CHRM3: variants seen among roughly 807,000 people sequenced by gnomAD.
The protein encoded by CHRM3 is cholinergic receptor muscarinic 3.
In CHRM3, 11 loss-of-function variants were observed where a neutral mutation model predicts 41.8. That is an observed-to-expected ratio of 0.26 (90% CI 0.17 to 0.44). The LOEUF (loss-of-function observed/expected upper bound fraction) is 0.44, where lower values mean the gene tolerates loss of function less well. Ranked by LOEUF, CHRM3 falls within the 20% of genes least tolerant of loss-of-function variation. The probability of loss-of-function intolerance (pLI) is 1.00; values close to 1 mark genes in which losing one functional copy is unlikely to be tolerated. For synonymous variants in CHRM3, 297 were observed against 301.4 expected (o/e 0.99, Z 0.15); for missense variants, 571 against 745.4 (o/e 0.77, Z 2.72).
intron 4 of CHRM3, among the ~76,000 whole-genome samples, chr1:239,648,942 T>C (rs1671997846): frequency 6.6e-6 from 1 of 152,172 alleles, no homozygotes; most frequent in Non-Finnish European, 1.5e-5. Flanking sequence ...CATAGTCTTA[T>C]TGAGTCACAG....
At chr1:239,518,449 A>C (rs1434732582) in intron 2 of CHRM3, among the ~76,000 whole-genome samples, 5 of 152,184 alleles carry the variant, frequency 3.3e-5, no homozygotes, top group Non-Finnish European at 7.3e-5. Context: ...AGTGTCTCTC[A>C]AACTAAAGTC....
At chr1:239,571,271 A>G (rs1339374337) in intron 3 of CHRM3, among the ~76,000 whole-genome samples, 2 of 152,196 alleles carry the variant, frequency 1.3e-5, no homozygotes, top group Non-Finnish European at 2.9e-5. Context: ...TGGCCTATAA[A>G]TAAGAACACC....
chr1:239,674,720 A>AG (rs1445892000), intron 4 of CHRM3, among the ~76,000 whole-genome samples: 3 of 151,320 alleles, frequency 2.0e-5, no homozygotes, highest in Non-Finnish European at 3.0e-5. Context: ...AAAAAAAAAA[A>AG]AAAAAAAGAA....
At position 239,908,089 on chromosome 1, in the gene CHRM3, A is replaced by G; in HGVS notation, c.638A>G (p.Lys213Arg). 2 of 1,614,210 alleles carry G rather than the reference A, an allele frequency of 1.2e-6. No homozygotes were observed. Among genetic ancestry groups the G allele is most frequent in the Non-Finnish European group, 1.7e-6 (2 of 1,180,048 alleles). Reference sequence around the variant, plus strand: ...TTGTTCTGGCAATACTTTGTTGGAAAGAGAACTGTGCCTCCGGGAGAGTGC... The same window carrying G: ...TTGTTCTGGCAATACTTTGTTGGAAGGAGAACTGTGCCTCCGGGAGAGTGC... ...AILFWQYFVG[K>R]RTVPPGECFI... Residue 213 changes from lysine (K) to arginine (R), a missense_variant, in exon 7 of 7, where the codon AAG (lysine) becomes AGG (arginine). Lys to Arg is a conservative substitution (Grantham distance 26). Coordinates refer to ENST00000676153, the MANE Select transcript of CHRM3 (RefSeq NM_001375978.1). This position sits in a 1 kb window ranked among gnomAD's most constrained non-coding sequence, Gnocchi z 7.2.
chr1:239,872,741 C>T (rs1676700132), intron 6 of CHRM3, among the ~76,000 whole-genome samples: 1 of 152,142 alleles, frequency 6.6e-6, no homozygotes, highest in Non-Finnish European at 1.5e-5. Context: ...TCAAGTGAGA[C>T]TGCAGAGTAT....
chr1:239,873,887 A>G (rs1366670252), intron 6 of CHRM3, among the ~76,000 whole-genome samples: 1 of 151,908 alleles, frequency 6.6e-6, no homozygotes, highest in African/African-American at 2.4e-5. Context: ...CTCTCCTCCT[A>G]ACTCTGCCTA....
chr1:239,741,939 C>T (rs1216542755), intron 5 of CHRM3, among the ~76,000 whole-genome samples: 3 of 152,124 alleles, frequency 2.0e-5, no homozygotes, highest in African/African-American at 7.2e-5. Flanking sequence ...GTAAAGTCAG[C>T]CCCATGCATC....
chr1:239,623,501 T>G (rs1668665643), intron 3 of CHRM3, among the ~76,000 whole-genome samples: 1 of 141,840 alleles, frequency 7.1e-6, no homozygotes, highest in Non-Finnish European at 1.5e-5. Context: ...TTTTTTAATT[T>G]TTTTTTTTTA....
rs562174459 is a variant in CHRM3 at position 239,748,677 on chromosome 1, A to G, written c.-147+70389A>G. Among the ~76,000 whole-genome samples, 1 of 152,346 alleles carries G rather than the reference A, an allele frequency of 6.6e-6. No homozygotes were observed. Among genetic ancestry groups the G allele is most frequent in the African/African-American group, 2.4e-5 (1 of 41,582 alleles). On this transcript the variant is annotated intron_variant, in intron 5 of 6. Transcript: ENST00000676153. The surrounding 1 kb of genome is among the most constrained non-coding windows in gnomAD (Gnocchi z 4.3). ...AGGAAGGAAAGAATGGCCAGGGAAT[A>G]TGTGATTAGTCCAAACTGGATGGAT...
At chr1:239,390,646 T>C (rs1658949293) in intron 1 of CHRM3, among the ~76,000 whole-genome samples, 1 of 150,832 alleles carries the variant, frequency 6.6e-6, no homozygotes, top group Non-Finnish European at 1.5e-5. Context: ...TCGCCCAGGT[T>C]AGAGTGCAGT....
intron 5 of CHRM3, among the ~76,000 whole-genome samples, chr1:239,811,584 A>G (rs1183479970): frequency 6.6e-6 from 1 of 152,196 alleles, no homozygotes; most frequent in African/African-American, 2.4e-5. Flanking sequence ...TCCTAGTACA[A>G]TTCACCAGAA....
intron 5 of CHRM3, among the ~76,000 whole-genome samples, chr1:239,741,092 G>C (rs561695116): frequency 6.6e-6 from 1 of 151,936 alleles, no homozygotes; most frequent in African/African-American, 2.4e-5. Context: ...CATGGCTAAG[G>C]TTCCCATAAC....
chr1:239,904,991 A>G (rs1326265679), intron 6 of CHRM3, among the ~76,000 whole-genome samples: 1 of 152,186 alleles, frequency 6.6e-6, no homozygotes, highest in Non-Finnish European at 1.5e-5. Context: ...GGATTTTGGC[A>G]TTTTTGACAA....
intron 6 of CHRM3, among the ~76,000 whole-genome samples, chr1:239,839,966 C>T (rs1673655989): frequency 6.6e-6 from 1 of 152,112 alleles, no homozygotes; most frequent in Admixed American, 6.6e-5. Flanking sequence ...CAGCCCAGGC[C>T]TCAGTTGTTG....
chr1:239,609,743 T>C (rs891039998), intron 3 of CHRM3, among the ~76,000 whole-genome samples: 2 of 152,194 alleles, frequency 1.3e-5, no homozygotes, highest in African/African-American at 4.8e-5. Context: ...ACCCATGATC[T>C]TGAGCATCTT....
intron 6 of CHRM3, among the ~76,000 whole-genome samples, chr1:239,828,322 A>G (rs1164905765): frequency 2.0e-5 from 3 of 152,178 alleles, no homozygotes; most frequent in African/African-American, 7.2e-5. Context: ...GTGTGTATAC[A>G]TACATACAGA....
chr1:239,542,236 A>C (rs1290159828), intron 2 of CHRM3, among the ~76,000 whole-genome samples: 3 of 152,254 alleles, frequency 2.0e-5, no homozygotes, highest in Admixed American at 6.5e-5. Flanking sequence ...ATGTTATGGC[A>C]GTATATTTGT....
At chr1:239,565,464 C>G (rs539982841) in intron 3 of CHRM3, among the ~76,000 whole-genome samples, 172 of 152,194 alleles carry the variant, frequency 1.1e-3, no homozygotes, top group Non-Finnish European at 1.8e-3. Context: ...GCTCTTTACC[C>G]CAGATGCTGC....
chr1:239,392,073 CT>C (rs1659082452), intron 1 of CHRM3, among the ~76,000 whole-genome samples: 1 of 152,128 alleles, frequency 6.6e-6, no homozygotes, highest in Non-Finnish European at 1.5e-5. Context: ...AATGTCTGGC[CT>C]GGGAAAATTT....
Sources: allele counts gnomAD v4.1 joint callset (sites outside exome capture counted in the v4.1 genomes callset), GRCh38; gene constraint gnomAD v4.1.1; non-coding constraint Gnocchi (gnomAD v3.1); transcripts MANE v1.5; gene names NCBI Gene and HGNC (gene_info 2026-07-23, HGNC 2026-07-21).